Variants in SNTG1 observed in about 807,000 individuals in gnomAD.
The protein encoded by SNTG1 is syntrophin gamma 1.
A neutral mutation model predicts 74.7 loss-of-function variants in SNTG1; 39 were observed. The ratio of observed to expected loss-of-function variants is 0.52; its 90% confidence interval spans 0.40 to 0.68. The LOEUF (loss-of-function observed/expected upper bound fraction) is 0.68, where lower values mean the gene tolerates loss of function less well. Ranked by LOEUF, SNTG1 falls within the 30% of genes least tolerant of loss-of-function variation. SNTG1 has a pLI of 0.00. For missense variants in SNTG1, 685 were observed against 609.5 expected, an observed-to-expected ratio of 1.12 and a Z score of -1.30; for synonymous variants, 254 against 217.1, an observed-to-expected ratio of 1.17 and a Z score of -1.49.
In SNTG1 at chr8:50,063,821, G is replaced by A. The variant is rs181430333; in HGVS notation, c.-102-108740G>A. Among the ~76,000 whole-genome samples the A allele has an allele frequency of 1.5e-3, 235 of 152,130 alleles. 1 individual carries two copies. The highest frequency in any genetic ancestry group is 2.5e-3 in the Non-Finnish European group (172 of 68,000). On this transcript the variant is annotated intron_variant, in intron 1 of 18. Transcript: ENST00000642720. Reference sequence around the variant, plus strand: ...TCACAAAGTAAAGGTAAACTTAACTGTAGATTCAAAATGCTGAAAATATAT... The same window carrying A: ...TCACAAAGTAAAGGTAAACTTAACTATAGATTCAAAATGCTGAAAATATAT...
At chr8:50,415,909 G>A (rs1039159092) in intron 4 of SNTG1, among the ~76,000 whole-genome samples, 1 of 152,044 alleles carries the variant, frequency 6.6e-6, no homozygotes, top group Non-Finnish European at 1.5e-5. Context: ...ATGTATCTAG[G>A]CATTGAAGAG....
chr8:50,141,212 A>G (rs895194978), intron 1 of SNTG1, among the ~76,000 whole-genome samples: 2 of 152,210 alleles, frequency 1.3e-5, no homozygotes, highest in African/African-American at 4.8e-5. Context: ...TGGGAATAGG[A>G]TTGCCAGATC....
chr8:49,983,669 T>A (rs991993033), intron 1 of SNTG1, among the ~76,000 whole-genome samples: 3 of 152,216 alleles, frequency 2.0e-5, no homozygotes, highest in East Asian at 3.9e-4. Context: ...TGGGTCCTTG[T>A]CAGTCACAGC....
rs534157632 is a variant in SNTG1 at position 50,583,590 on chromosome 8, A to G, written c.811-7289A>G. On this transcript the variant is annotated intron_variant, in intron 12 of 18. Transcript: ENST00000642720. Reference sequence around the variant, plus strand: ...ATACATTTTACTACCCAATGGAAGGAAATAGGTCAAATCAAATGTTTCTTA... The same window carrying G: ...ATACATTTTACTACCCAATGGAAGGGAATAGGTCAAATCAAATGTTTCTTA... Among the ~76,000 whole-genome samples, 125 of 152,140 alleles carry G rather than the reference A, an allele frequency of 8.2e-4. 2 individuals are homozygous for G. In the South Asian group the frequency reaches 0.026, roughly 31 times the overall value.
chr8:50,626,431 G>A (rs2094956750), intron 13 of SNTG1, among the ~76,000 whole-genome samples: 2 of 151,634 alleles, frequency 1.3e-5, no homozygotes, highest in African/African-American at 4.9e-5. Context: ...GACACACACA[G>A]AAATATAGCA....
At chr8:50,336,251 A>T (rs1050516572) in intron 2 of SNTG1, among the ~76,000 whole-genome samples, 1 of 152,080 alleles carries the variant, frequency 6.6e-6, no homozygotes, top group African/African-American at 2.4e-5. Flanking sequence ...CATCCTGTAG[A>T]CTCTTTCCAA....
intron 1 of SNTG1, among the ~76,000 whole-genome samples, chr8:49,963,788 A>C (rs1429100667): frequency 1.3e-5 from 2 of 152,230 alleles, no homozygotes; most frequent in Admixed American, 1.3e-4. Flanking sequence ...AAACTTCATG[A>C]AAATAGAACT....
intron 9 of SNTG1, among the ~76,000 whole-genome samples, chr8:50,520,992 A>G (rs1056523245): frequency 3.9e-5 from 6 of 152,208 alleles, no homozygotes; most frequent in Non-Finnish European, 8.8e-5. Context: ...TTGCAGCAGT[A>G]TTTACAATAG....
chr8:50,116,238 C>T (rs1360562821), intron 1 of SNTG1, among the ~76,000 whole-genome samples: 1 of 152,126 alleles, frequency 6.6e-6, no homozygotes, highest in Non-Finnish European at 1.5e-5. Context: ...TGCCCTGAAA[C>T]ATAACTAACA....
intron 1 of SNTG1, among the ~76,000 whole-genome samples, chr8:50,170,721 T>C (rs887046219): frequency 3.9e-5 from 6 of 152,200 alleles, no homozygotes; most frequent in African/African-American, 9.7e-5. Context: ...CAGGCTGTGT[T>C]TGCATCTGGA....
intron 1 of SNTG1, among the ~76,000 whole-genome samples, chr8:49,990,643 A>G (rs972148561): frequency 6.6e-6 from 1 of 152,166 alleles, no homozygotes; most frequent in Non-Finnish European, 1.5e-5. Context: ...TTGAGATTCC[A>G]TAAATAAACA....
At chr8:49,999,538 G>A (rs1220042802) in intron 1 of SNTG1, among the ~76,000 whole-genome samples, 1 of 152,128 alleles carries the variant, frequency 6.6e-6, no homozygotes, top group East Asian at 1.9e-4. Context: ...GGCCTATGAT[G>A]AGTCTGACCA....
chr8:50,788,300 T>G (rs940132188), intron 18 of SNTG1, among the ~76,000 whole-genome samples: 2 of 152,056 alleles, frequency 1.3e-5, no homozygotes, highest in Non-Finnish European at 2.9e-5. Flanking sequence ...ATTAAGCAAG[T>G]GATTTACAGA....
intron 9 of SNTG1, among the ~76,000 whole-genome samples, chr8:50,526,656 TATA>T (rs957160892): frequency 3.0e-4 from 46 of 152,044 alleles, no homozygotes; most frequent in African/African-American, 1.1e-3. Flanking sequence ...CATATATATA[TATA>T]TATTTTTTTG....
chr8:50,305,902 T>TA (rs1162765416), intron 2 of SNTG1, among the ~76,000 whole-genome samples: 56 of 85,534 alleles, frequency 6.5e-4, no homozygotes, highest in Non-Finnish European at 1.5e-3. Flanking sequence ...TTATATTTAT[T>TA]TAAAAAAAAA....
chr8:50,338,104 A>G (rs1238955271), intron 2 of SNTG1, among the ~76,000 whole-genome samples: 1 of 151,870 alleles, frequency 6.6e-6, no homozygotes, highest in Non-Finnish European at 1.5e-5. Context: ...CCTGCACTCC[A>G]GACTGGGCGA....
intron 15 of SNTG1, among the ~76,000 whole-genome samples, chr8:50,691,891 A>C (rs984156928): frequency 4.6e-5 from 7 of 152,124 alleles, no homozygotes; most frequent in Non-Finnish European, 1.0e-4. Flanking sequence ...AACACCAATC[A>C]GATGTAGATT....
intron 8 of SNTG1, among the ~76,000 whole-genome samples, chr8:50,491,757 A>T (rs1436547586): frequency 6.6e-6 from 1 of 151,904 alleles, no homozygotes; most frequent in Non-Finnish European, 1.5e-5. Flanking sequence ...TCTGGGGTAC[A>T]TGTGTGGAAA....
intron 13 of SNTG1, among the ~76,000 whole-genome samples, chr8:50,651,463 T>C (rs1345423834): frequency 2.6e-5 from 4 of 152,170 alleles, no homozygotes; most frequent in South Asian, 2.1e-4. Context: ...CATTTTGTTT[T>C]CTTTTGGGGG....
Sources: gnomAD v4.1 joint callset for allele counts (sites outside exome capture counted in the v4.1 genomes callset) on GRCh38, gnomAD v4.1.1 for gene constraint, MANE v1.5 for transcripts, NCBI Gene and HGNC (gene_info 2026-07-23, HGNC 2026-07-21) for gene names.